The following PDE1A variants were observed in gnomAD, a reference collection of about 807,000 sequenced individuals.
PDE1A encodes the protein dual specificity calcium/calmodulin-dependent 3',5'-cyclic nucleotide phosphodiesterase 1A.
Under a neutral mutation model 61.7 loss-of-function variants are expected in PDE1A, and 35 were observed. That is an observed-to-expected ratio of 0.57 (90% CI 0.43 to 0.75). PDE1A has a LOEUF of 0.75. Among genes scored for constraint, PDE1A ranks in the 30% least tolerant of loss-of-function variants. PDE1A has a pLI of 0.00. For missense variants in PDE1A, 597 were observed against 630.6 expected (o/e 0.95, Z 0.57); for synonymous variants, 232 against 213.2 (o/e 1.09, Z -0.77).
intron 10 of PDE1A, among the ~76,000 whole-genome samples, chr2:182,195,623 C>G (rs1196215411): frequency 6.6e-6 from 1 of 152,136 alleles, no homozygotes. Flanking sequence ...CTCAAAATCT[C>G]TAGCACAGCC....
chr2:182,497,527 C>T lies in PDE1A; in HGVS notation c.101+24749G>A, dbSNP rs560902983. Reference sequence around the variant, plus strand: ...GTGTTTGTTTTCTTGTGAAATTAAACCACAGAGGTGAGAGAGGTTAAACTT... The same window carrying T: ...GTGTTTGTTTTCTTGTGAAATTAAATCACAGAGGTGAGAGAGGTTAAACTT... On this transcript the variant is annotated intron_variant, in intron 2 of 14. Coordinates refer to the PDE1A transcript ENST00000410103. 1.7e-3 allele frequency among the ~76,000 whole-genome samples: 258 copies of T among 152,258 alleles called. 1 individual carries two copies. The highest frequency in any genetic ancestry group is 3.3e-3 in the Non-Finnish European group (223 of 68,018).
At chr2:182,652,539 C>T in the PDE1A span, among the ~76,000 whole-genome samples, 1 of 152,124 alleles carries the variant, frequency 6.6e-6, no homozygotes, top group Non-Finnish European at 1.5e-5. Flanking sequence ...ATGCATGGAA[C>T]TATCCTCCCC....
chr2:182,422,541 GTC>G (rs1424571372), intron 1 of PDE1A, among the ~76,000 whole-genome samples: 1 of 152,150 alleles, frequency 6.6e-6, no homozygotes, highest in Non-Finnish European at 1.5e-5. Flanking sequence ...TGGCCTCATA[GTC>G]TAAGGTTGAT....
At chr2:182,635,865 G>A in the PDE1A span, among the ~76,000 whole-genome samples, 1 of 150,816 alleles carries the variant, frequency 6.6e-6, no homozygotes, top group Non-Finnish European at 1.5e-5. Flanking sequence ...TCTGAGGTCT[G>A]CTGCCACTGA....
At chr2:182,269,339 T>A (rs1257273543) in intron 1 of PDE1A, among the ~76,000 whole-genome samples, 1 of 151,652 alleles carries the variant, frequency 6.6e-6, no homozygotes, top group East Asian at 1.9e-4. Flanking sequence ...AAATACAAAA[T>A]TAGCTGGGTG....
intron 1 of PDE1A, among the ~76,000 whole-genome samples, chr2:182,342,529 A>G (rs938241040): frequency 5.9e-5 from 9 of 152,204 alleles, no homozygotes; most frequent in Admixed American, 4.6e-4. Context: ...TAAAAATACA[A>G]AAAATTAGAC....
At chr2:182,452,624 T>C (rs1215175050) in intron 2 of PDE1A, among the ~76,000 whole-genome samples, 1 of 152,138 alleles carries the variant, frequency 6.6e-6, no homozygotes, top group Admixed American at 6.6e-5. Context: ...TGGAACAGAT[T>C]GTTGCAATGA....
At chr2:182,453,434 T>TA (rs896896543) in intron 2 of PDE1A, among the ~76,000 whole-genome samples, 253 of 146,306 alleles carry the variant, frequency 1.7e-3, no homozygotes, top group Admixed American at 3.8e-3. Context: ...ACTTCTTCAT[T>TA]AAAAAAAAAA....
chr2:182,257,039 C>T (rs1429030136), intron 2 of PDE1A, among the ~76,000 whole-genome samples: 1 of 152,184 alleles, frequency 6.6e-6, no homozygotes, highest in African/African-American at 2.4e-5. Context: ...AGTGGTTCAC[C>T]CTGTGGCATT....
the PDE1A span, among the ~76,000 whole-genome samples, chr2:182,594,328 A>G: frequency 6.6e-6 from 1 of 152,236 alleles, no homozygotes; most frequent in Non-Finnish European, 1.5e-5. Flanking sequence ...GAGTCTAAGT[A>G]TGGCACTTTG....
intron 1 of PDE1A, among the ~76,000 whole-genome samples, chr2:182,307,309 C>A (rs1222481011): frequency 6.6e-6 from 1 of 152,092 alleles, no homozygotes; most frequent in Admixed American, 6.6e-5. Context: ...GGTGATTAAA[C>A]CAGGAGAGCT....
At chr2:182,234,736 C>T (rs1220437859) in intron 3 of PDE1A, among the ~76,000 whole-genome samples, 2 of 152,104 alleles carry the variant, frequency 1.3e-5, no homozygotes, top group Non-Finnish European at 2.9e-5. Context: ...ACTTTAGTTT[C>T]CATGTAAAGA....
the PDE1A span, among the ~76,000 whole-genome samples, chr2:182,691,833 G>GA: frequency 2.2e-4 from 32 of 145,312 alleles, no homozygotes; most frequent in South Asian, 4.4e-4. Context: ...CAAATTACAA[G>GA]AAAAAAAAAA....
intron 1 of PDE1A, among the ~76,000 whole-genome samples, chr2:182,395,166 G>A (rs1445015510): frequency 6.6e-6 from 1 of 152,198 alleles, no homozygotes; most frequent in African/African-American, 2.4e-5. Flanking sequence ...CTCCATTCCT[G>A]TTCATAAAGG....
At chr2:182,186,938 G>T (rs893553114) in intron 11 of PDE1A, among the ~76,000 whole-genome samples, 1 of 152,112 alleles carries the variant, frequency 6.6e-6, no homozygotes. Context: ...CAACACCAGG[G>T]ATCATTATCT....
intron 13 of PDE1A, among the ~76,000 whole-genome samples, chr2:182,148,479 CAG>C (rs1396172138): frequency 1.3e-5 from 2 of 152,200 alleles, no homozygotes; most frequent in African/African-American, 4.8e-5. Context: ...GGGCTCTTAA[CAG>C]AATTCTTGCC....
chr2:182,246,401 C>CTTTTTTTTTTTTTTTTTTTTTTTTTTTT lies in PDE1A; in HGVS notation c.168-6110_168-6109insAAAAAAAAAAAAAAAAAAAAAAAAAAAA, dbSNP rs761118177. 3.3e-5 allele frequency among the ~76,000 whole-genome samples: 2 copies of CTTTTTTTTTTTTTTTTTTTTTTTTTTTT among 61,514 alleles called. 1 individual carries two copies. The highest frequency in any genetic ancestry group is 2.0e-4 in the African/African-American group (2 of 10,124). The allele number at this position is 61,514 out of a possible 152,430, so 40.4% of individuals were successfully genotyped here. On this transcript the variant is annotated intron_variant, in intron 2 of 13. Coordinates refer to ENST00000351439, the Ensembl canonical transcript of PDE1A. ...TCTACTATAGTCTTTTTTCTTTTTT[C>CTTTTTTTTTTTTTTTTTTTTTTTTTTTT]TTTCTTTTTTTTTTTTTTTTTTGAC... is the stretch of plus-strand genomic sequence containing the variant.
chr2:182,350,562 A>G (rs1403233746), intron 1 of PDE1A, among the ~76,000 whole-genome samples: 1 of 152,226 alleles, frequency 6.6e-6, no homozygotes, highest in East Asian at 1.9e-4. Flanking sequence ...AGTGCAGTTC[A>G]AGGTATAAAG....
chr2:182,347,485 T>G (rs551041824), intron 1 of PDE1A, among the ~76,000 whole-genome samples: 1 of 152,096 alleles, frequency 6.6e-6, no homozygotes, highest in Non-Finnish European at 1.5e-5. Flanking sequence ...TAAAATTATG[T>G]TTCCCTCCCT....
Sources: gnomAD v4.1 joint callset for allele counts (sites outside exome capture counted in the v4.1 genomes callset) on GRCh38, gnomAD v4.1.1 for gene constraint, MANE v1.5 for transcripts, NCBI Gene and HGNC (gene_info 2026-07-23, HGNC 2026-07-21) for gene names.